HECW1: variants seen among roughly 807,000 people sequenced by gnomAD.
HECW1 encodes the protein E3 ubiquitin-protein ligase HECW1.
Under a neutral mutation model 182.3 loss-of-function variants are expected in HECW1, and 61 were observed. That is an observed-to-expected ratio of 0.33 (90% CI 0.27 to 0.41). The LOEUF (loss-of-function observed/expected upper bound fraction) is 0.41, where lower values mean the gene tolerates loss of function less well. Among genes scored for constraint, HECW1 ranks in the 10% least tolerant of loss-of-function variants. The pLI is 1.00. For missense variants in HECW1, 1,739 were observed against 2,108.9 expected, an observed-to-expected ratio of 0.82 and a Z score of 3.44; for synonymous variants, 859 against 832.6, an observed-to-expected ratio of 1.03 and a Z score of -0.55.
At chr7:43,198,466 C>T (rs538203540) in intron 2 of HECW1, among the ~76,000 whole-genome samples, 1 of 150,194 alleles carries the variant, frequency 6.7e-6, no homozygotes, top group South Asian at 2.1e-4. Context: ...CACGTACCCA[C>T]CATAGTCACA....
intron 13 of HECW1, among the ~76,000 whole-genome samples, chr7:43,462,137 C>T (rs2077607069): frequency 6.6e-6 from 1 of 152,178 alleles, no homozygotes; most frequent in South Asian, 2.1e-4. Flanking sequence ...TGCTTTCCCA[C>T]CTGGGACTGC....
At chr7:43,542,115 C>A (rs2152953935) in intron 26 of HECW1, 117 bp downstream of exon 26, 7 of 880,100 alleles carry the variant, frequency 8.0e-6, no homozygotes, top group Non-Finnish European at 1.1e-5. Context: ...TTCAGTATAT[C>A]CACATTGTTG....
chr7:43,474,651 A>G (rs1342381581), intron 16 of HECW1, among the ~76,000 whole-genome samples: 3 of 152,220 alleles, frequency 2.0e-5, no homozygotes, highest in African/African-American at 7.2e-5. Flanking sequence ...TTTTATATCC[A>G]TCAGTTTGAC....
chr7:43,489,880 C>T (rs1396066157), intron 17 of HECW1, among the ~76,000 whole-genome samples: 2 of 152,150 alleles, frequency 1.3e-5, no homozygotes, highest in Non-Finnish European at 1.5e-5. Context: ...CTTAAGTGGC[C>T]GTTTGGAACT....
At chr7:43,441,857 A>G (rs12702043) in intron 9 of HECW1, among the ~76,000 whole-genome samples, 27,371 of 152,292 alleles carry the variant, frequency 0.18, 3,081 homozygotes, top group Non-Finnish European at 0.26. Flanking sequence ...ACACAAAAAC[A>G]GGTGGTGGGC....
chr7:43,312,165 T>A (rs1808611600), intron 4 of HECW1, 78 bp downstream of exon 4: 2 of 1,248,164 alleles, frequency 1.6e-6, no homozygotes, highest in Admixed American at 4.2e-5. Flanking sequence ...CTCTACAATA[T>A]AATTAAAATA....
At chr7:43,212,981 G>A (rs1796130246) in intron 2 of HECW1, among the ~76,000 whole-genome samples, 1 of 152,048 alleles carries the variant, frequency 6.6e-6, no homozygotes, top group Admixed American at 6.6e-5. Context: ...TATATTTAAA[G>A]CATGAGCTAA....
At chr7:43,460,683 G>A (rs79080165) in intron 13 of HECW1, among the ~76,000 whole-genome samples, 1,857 of 152,288 alleles carry the variant, frequency 0.012, 42 homozygotes, top group African/African-American at 0.042. Context: ...GGAGGATATT[G>A]ATGGATAATT....
At chr7:43,533,055 A>G (rs2081054163) in intron 24 of HECW1, among the ~76,000 whole-genome samples, 1 of 152,076 alleles carries the variant, frequency 6.6e-6, no homozygotes, top group African/African-American at 2.4e-5. Context: ...ATTTTGCACC[A>G]TCACTCTCCA....
At chr7:43,539,436 C>T (rs1415639926) in intron 24 of HECW1, among the ~76,000 whole-genome samples, 1 of 152,216 alleles carries the variant, frequency 6.6e-6, no homozygotes, top group African/African-American at 2.4e-5. Context: ...AAGTTTCCTA[C>T]TTGGCACTGT....
At chr7:43,387,806 C>T (rs1189561043) in intron 6 of HECW1, among the ~76,000 whole-genome samples, 2 of 152,130 alleles carry the variant, frequency 1.3e-5, no homozygotes, top group East Asian at 1.9e-4. Flanking sequence ...CTCGTGGGCC[C>T]CTTGATTGAC....
intron 5 of HECW1, among the ~76,000 whole-genome samples, chr7:43,359,364 C>T (rs2052148): frequency 0.5 from 76,007 of 151,946 alleles, 19,451 homozygotes; most frequent in African/African-American, 0.59. Flanking sequence ...AGAATGGATG[C>T]CGGGTAGGTA....
chr7:43,354,654 C>T (rs935552371), intron 5 of HECW1, among the ~76,000 whole-genome samples: 6 of 152,164 alleles, frequency 3.9e-5, no homozygotes, highest in African/African-American at 1.4e-4. Context: ...AGATCACCTA[C>T]AAGACATAGA....
intron 24 of HECW1, among the ~76,000 whole-genome samples, chr7:43,525,596 C>T (rs1221005460): frequency 1.3e-5 from 2 of 152,266 alleles, no homozygotes; most frequent in African/African-American, 2.4e-5. Flanking sequence ...CTGCAAATGG[C>T]ATTAGCAGAG....
intron 26 of HECW1, among the ~76,000 whole-genome samples, chr7:43,549,374 G>A (rs73693023): frequency 0.013 from 2,013 of 152,286 alleles, 56 homozygotes; most frequent in African/African-American, 0.046. Context: ...CTTATGGACT[G>A]CTTTGTTTAG....
chr7:43,489,648 C>T (rs557881353), intron 17 of HECW1, among the ~76,000 whole-genome samples: 3 of 152,336 alleles, frequency 2.0e-5, no homozygotes, highest in South Asian at 2.1e-4. Context: ...GGAGAGAAAA[C>T]AGATGCATCT....
intron 3 of HECW1, among the ~76,000 whole-genome samples, chr7:43,310,425 G>T (rs566366626): frequency 6.6e-6 from 1 of 152,202 alleles, no homozygotes; most frequent in Admixed American, 6.5e-5. Context: ...AAGAAATATG[G>T]CCCCAATAAG....
At chr7:43,538,786 T>C (rs2081267506) in intron 24 of HECW1, among the ~76,000 whole-genome samples, 2 of 152,250 alleles carry the variant, frequency 1.3e-5, no homozygotes, top group South Asian at 4.1e-4. Flanking sequence ...AGGCATTTGA[T>C]AAAAGTTACT....
intron 2 of HECW1, among the ~76,000 whole-genome samples, chr7:43,114,618 C>T (rs901492308): frequency 1.3e-5 from 2 of 152,214 alleles, no homozygotes; most frequent in African/African-American, 4.8e-5. Flanking sequence ...AATTCCTAGA[C>T]CTCCAGGCAA....
Sources: gnomAD v4.1 joint callset for allele counts (sites outside exome capture counted in the v4.1 genomes callset) on GRCh38, gnomAD v4.1.1 for gene constraint, MANE v1.5 for transcripts, NCBI Gene and HGNC (gene_info 2026-07-23, HGNC 2026-07-21) for gene names.